Variants in DARS2 observed in about 807,000 individuals in gnomAD.
DARS2 encodes the protein aspartate--tRNA ligase, mitochondrial.
Under a neutral mutation model 83.0 loss-of-function variants are expected in DARS2, and 63 were observed. The ratio of observed to expected loss-of-function variants is 0.76; its 90% CI spans 0.62 to 0.94. The LOEUF is 0.94. Ranked by LOEUF, DARS2 falls within the 40% of genes least tolerant of loss-of-function variation. The pLI, the probability that DARS2 is intolerant of heterozygous loss-of-function variation, is 0.00. For missense variants in DARS2, 675 were observed against 774.4 expected, an observed-to-expected ratio of 0.87 and a Z score of 1.52; for synonymous variants, 250 against 269.3, an observed-to-expected ratio of 0.93 and a Z score of 0.70.
At position 173,826,683 on chromosome 1, in the gene DARS2, AAAG is replaced by A; in HGVS notation, c.128-1_129del. ...AAAGTTTCTTTTTTTTTTTTTTTTT[AAAG>A]AATTCAGTAGCTTTGTTGTCCGGAC... On this transcript the variant is annotated splice_acceptor_variant and splice_polypyrimidine_tract_variant and intron_variant, in intron 1 of 16. Transcript: ENST00000649689. LOFTEE classifies it high-confidence loss of function. 7.6e-7 allele frequency: 1 copy of A among 1,324,212 alleles called. No individual in the cohort carries two copies. The highest frequency in any genetic ancestry group is 1.4e-5 in the South Asian group (1 of 72,004). 82.0% of individuals were successfully genotyped at this position (1,324,212 alleles called of 1,614,324 possible).
At position 173,853,627 on chromosome 1, in the gene DARS2, G is replaced by C. The variant is rs372495989; in HGVS notation, c.1563+60G>C. 21 of 1,594,428 alleles carry C rather than the reference G, an allele frequency of 1.3e-5. No individual in the cohort carries two copies. In the East Asian group the frequency reaches 3.1e-4, roughly 24 times the overall value. On this transcript the variant is annotated intron_variant, in intron 14 of 16. Coordinates refer to ENST00000649689, the MANE Select transcript of DARS2 (RefSeq NM_018122.5). ...GTGTATATAAAGGCAAAGAACTTCA[G>C]ACTTCAAGGTCTGATGAAAGATAGG...
At chr1:173,829,724 A>G (rs984286680) in intron 3 of DARS2, among the ~76,000 whole-genome samples, 2 of 152,094 alleles carry the variant, frequency 1.3e-5, no homozygotes, top group Non-Finnish European at 2.9e-5. Context: ...CCTGACCAAC[A>G]TGGTGAAACC....
Position 173,857,530 on chromosome 1 carries a change from T to C in DARS2, c.1763T>C (p.Leu588Pro), listed in dbSNP as rs141483913. Residue 588 changes from leucine (L) to proline (P), a missense_variant, in exon 17 of 17, where the codon CTG becomes CCG. Leu to Pro is a moderately conservative substitution (Grantham distance 98). Transcript: ENST00000649689. ...ATTTTACTCACAGGGTTAGACAGAC[T>C]GATATGCCTTGTCACTGGATCTCCA... ...HGGIALGLDR[L>P]ICLVTGSPSI... 1.2e-6 allele frequency: 2 copies of C among 1,614,024 alleles called. No individual in the cohort carries two copies. Among genetic ancestry groups the C allele is most frequent in the African/African-American group, 2.7e-5 (2 of 74,940 alleles).
chr1:173,857,611 G>A lies in DARS2; in HGVS notation c.1844G>A (p.Ser615Asn), dbSNP rs779727229. ...TCCTTCCGGGGACATGACCTCATGA[G>A]CAATACCCCAGATTCTGTCCCTCCT... Reference protein sequence around the residue: ...PKSFRGHDLMSNTPDSVPPEE... With the variant: ...PKSFRGHDLMNNTPDSVPPEE... Residue 615 changes from serine (S) to asparagine (N), a missense_variant, in exon 17 of 17, where the codon AGC becomes AAC. Physicochemically the swap from Ser to Asn is conservative, Grantham distance 46. Transcript: ENST00000649689. 8.1e-6 allele frequency: 13 copies of A among 1,614,148 alleles called. No homozygotes were observed. Among genetic ancestry groups the A allele is most frequent in the Non-Finnish European group, 1.1e-5 (13 of 1,180,012 alleles).
At chr1:173,850,043 G>A (rs546574639) in intron 12 of DARS2, among the ~76,000 whole-genome samples, 13 of 151,714 alleles carry the variant, frequency 8.6e-5, no homozygotes, top group African/African-American at 3.1e-4. Context: ...TTTTAGTAGA[G>A]ATGGGGTTTC....
chr1:173,850,856 C>T (rs1378986940), intron 13 of DARS2, among the ~76,000 whole-genome samples: 1 of 151,960 alleles, frequency 6.6e-6, no homozygotes, highest in Non-Finnish European at 1.5e-5. Context: ...CCACCCGCCG[C>T]AGCCTCCTGA....
Position 173,825,165 on chromosome 1 carries a change from A to G in DARS2, c.-65A>G. On this transcript the variant is annotated 5_prime_UTR_variant, in exon 1 of 17. Transcript: ENST00000649689. The stretch of plus-strand genomic sequence containing the variant: ...TAAGGGATTTCTGTGTATTTCCAAA[A>G]CTGACTTTTAACTACCGGCAGCGTG... 6.3e-7 allele frequency: 1 copy of G among 1,592,870 alleles called. No homozygotes were observed. Among genetic ancestry groups the G allele is most frequent in the Non-Finnish European group, 8.6e-7 (1 of 1,166,194 alleles).
At chr1:173,831,198 A>C (rs1394087186) in intron 4 of DARS2, among the ~76,000 whole-genome samples, 3 of 147,602 alleles carry the variant, frequency 2.0e-5, no homozygotes, top group Admixed American at 6.8e-5. Context: ...TACAGGCGTG[A>C]GCCACCGTGC....
chr1:173,837,111 AAC>A, intron 8 of DARS2, 65 bp downstream of exon 8: 2 of 1,400,292 alleles, frequency 1.4e-6, no homozygotes, highest in Non-Finnish European at 2.0e-6. Context: ...GAAAAAAGGA[AAC>A]ACAAAATCCT....
Position 173,825,016 on chromosome 1 carries a change from A to C in DARS2, c.-214A>C, listed in dbSNP as rs1415058799. 1.9e-6 allele frequency: 1 copy of C among 526,474 alleles called. No homozygotes were observed. The highest frequency in any genetic ancestry group is 3.4e-6 in the Non-Finnish European group (1 of 298,096). The allele number at this position is 526,474 out of a possible 1,614,324, so 32.6% of individuals were successfully genotyped here. A position where few individuals can be genotyped will look rare whatever the true frequency, so the allele number is the denominator to read the frequency against. ...AGACTCAGGGAGAGGTCTTTCCCTT[A>C]TCTCCACCCCAGCAAGCACCCCAGA... On this transcript the variant is annotated 5_prime_UTR_variant, in exon 1 of 17. Coordinates refer to ENST00000649689, the MANE Select transcript of DARS2 (RefSeq NM_018122.5).
intron 6 of DARS2, 64 bp from the exon 7 acceptor site, chr1:173,834,408 TG>T: frequency 8.2e-7 from 1 of 1,216,282 alleles, no homozygotes; most frequent in Non-Finnish European, 1.2e-6. Flanking sequence ...TACTATATTG[TG>T]GACATCATAT....
chr1:173,826,172 C>T (rs997914042), intron 1 of DARS2, among the ~76,000 whole-genome samples: 1 of 150,746 alleles, frequency 6.6e-6, no homozygotes, highest in Non-Finnish European at 1.5e-5. Context: ...TGCAGTGAGC[C>T]GAGATCGCGC....
chr1:173,850,286 A>G (rs1027301741), intron 12 of DARS2, 41 bp from the exon 13 acceptor site: 1 of 1,515,268 alleles, frequency 6.6e-7, no homozygotes, highest in Non-Finnish European at 8.9e-7. Flanking sequence ...CACTGTTCAA[A>G]AAAAAAAAAA....
intron 3 of DARS2, 116 bp from the exon 4 acceptor site, chr1:173,830,544 C>G (rs1242123347): frequency 8.2e-6 from 7 of 849,936 alleles, no homozygotes; most frequent in Non-Finnish European, 1.4e-5. Flanking sequence ...GCAGCCCCAG[C>G]CTTTATGGTA....
intron 13 of DARS2, among the ~76,000 whole-genome samples, chr1:173,852,872 G>A (rs1653725636): frequency 6.6e-6 from 1 of 152,126 alleles, no homozygotes; most frequent in Non-Finnish European, 1.5e-5. Flanking sequence ...CATTAACAGT[G>A]TGCCAGGCAC....
At chr1:173,855,792 A>T (rs1288511789) in intron 15 of DARS2, among the ~76,000 whole-genome samples, 1 of 150,208 alleles carries the variant, frequency 6.7e-6, no homozygotes, top group Non-Finnish European at 1.5e-5. Flanking sequence ...GGCTGGGACC[A>T]CAGGCACACA....
In DARS2 at chr1:173,834,746, T is replaced by C. The variant is rs1238799898; in HGVS notation, c.663+227T>C. Reference sequence around the variant, plus strand: ...TGAGTTTTTTTGTTTTTTTTTTTTTTTTTTTTTTTTTGGTTTGTTTTGGGT... The same window carrying C: ...TGAGTTTTTTTGTTTTTTTTTTTTTCTTTTTTTTTTTGGTTTGTTTTGGGT... On this transcript the variant is annotated intron_variant, in intron 7 of 16. Coordinates refer to ENST00000649689, the MANE Select transcript of DARS2 (RefSeq NM_018122.5). Among the ~76,000 whole-genome samples the C allele has an allele frequency of 2.2e-4, 29 of 130,214 alleles. 1 individual carries two copies. Among genetic ancestry groups the C allele is most frequent in the African/African-American group, 9.0e-4 (26 of 28,752 alleles). 85.4% of individuals were successfully genotyped at this position (130,214 alleles called of 152,430 possible).
intron 5 of DARS2, among the ~76,000 whole-genome samples, 187 bp from the exon 6 acceptor site, chr1:173,833,188 TA>T (rs1183578660): frequency 1.3e-5 from 2 of 152,068 alleles, no homozygotes; most frequent in Admixed American, 6.6e-5. Flanking sequence ...TAATGAATAG[TA>T]AAAAAATGTA....
At position 173,857,599 on chromosome 1, in the gene DARS2, A is replaced by G. The variant is rs1653901918; in HGVS notation, c.1832A>G (p.His611Arg). Residue 611 changes from histidine (H) to arginine (R), a missense_variant, in exon 17 of 17, where the codon CAT (histidine) becomes CGT (arginine). By Grantham distance (29) the His-to-Arg change is conservative. Transcript: ENST00000649689. ...VIAFPKSFRG[H>R]DLMSNTPDSV... ...GCCTTCCCAAAGTCCTTCCGGGGAC[A>G]TGACCTCATGAGCAATACCCCAGAT... 6.2e-7 allele frequency: 1 copy of G among 1,614,218 alleles called. No homozygotes were observed. Among genetic ancestry groups the G allele is most frequent in the Non-Finnish European group, 8.5e-7 (1 of 1,180,024 alleles).
Sources: gnomAD v4.1 joint callset for allele counts (sites outside exome capture counted in the v4.1 genomes callset) on GRCh38, gnomAD v4.1.1 for gene constraint, MANE v1.5 for transcripts, NCBI Gene and HGNC (gene_info 2026-07-23, HGNC 2026-07-21) for gene names.